RP1: variants seen among roughly 807,000 people sequenced by gnomAD.
RP1 encodes RP1 axonemal microtubule associated.
Under a neutral mutation model 14.8 loss-of-function variants are expected in RP1, and 16 were observed. The observed-to-expected ratio is 1.08, with a 90% CI of 0.73 to 1.65. RP1 has a LOEUF of 1.65. Ranked by LOEUF, RP1 falls within the 40% of genes most tolerant of loss-of-function variation. The probability of loss-of-function intolerance (pLI) is 0.00; values close to 1 mark genes in which losing one functional copy is unlikely to be tolerated. For missense variants in RP1, 2,631 were observed against 2,535.0 expected (o/e 1.04, Z -0.81); for synonymous variants, 876 against 883.6 (o/e 0.99, Z 0.15).
At chr8:54,778,723 C>T (rs1475903645) in intron 23 of RP1, among the ~76,000 whole-genome samples, 3 of 151,938 alleles carry the variant, frequency 2.0e-5, no homozygotes, top group Non-Finnish European at 4.4e-5. Flanking sequence ...AGATTTTAGT[C>T]CAAGTCCTGG....
Position 54,563,114 on chromosome 8 carries a change from G to A in RP1, c.-13+3794G>A, listed in dbSNP as rs934185288. On this transcript the variant is annotated intron_variant, in intron 1 of 22. Transcript: ENST00000636932. Reference sequence around the variant, plus strand: ...TCAGCTCTTCAGAGAGAGAGAGAGAGGAAAACATAATTTGTTTCCCCCCAC... The same window carrying A: ...TCAGCTCTTCAGAGAGAGAGAGAGAAGAAAACATAATTTGTTTCCCCCCAC... Among the ~76,000 whole-genome samples, 6 of 152,306 alleles carry A rather than the reference G, an allele frequency of 3.9e-5. No homozygotes were observed. The South Asian group carries it at 1.2e-3, about 32-fold the overall frequency.
chr8:54,693,891 C>T (rs201294734), intron 12 of RP1, among the ~76,000 whole-genome samples: 73 of 152,086 alleles, frequency 4.8e-4, no homozygotes, highest in East Asian at 1.7e-3. Flanking sequence ...ATCCCTGTCT[C>T]GTGCCAGTTT....
intron 1 of RP1, among the ~76,000 whole-genome samples, chr8:54,603,309 T>G (rs1400137364): frequency 1.3e-5 from 2 of 152,006 alleles, no homozygotes; most frequent in African/African-American, 4.8e-5. Context: ...TTTCCCCATT[T>G]CTTGTTTTTG....
At chr8:54,854,701 C>T (rs1488073554) in intron 26 of RP1, among the ~76,000 whole-genome samples, 1 of 152,016 alleles carries the variant, frequency 6.6e-6, no homozygotes, top group East Asian at 1.9e-4. Flanking sequence ...CTTGCCTTTA[C>T]TGAAAATACA....
intron 22 of RP1, chr8:54,769,622 A>G (rs1057032178): frequency 1.4e-6 from 1 of 696,576 alleles, no homozygotes; most frequent in Admixed American, 2.8e-5. Flanking sequence ...TTTATAGTTA[A>G]CATTTAGTGT....
At chr8:54,853,796 G>T (rs974782294) in intron 26 of RP1, among the ~76,000 whole-genome samples, 1 of 124,090 alleles carries the variant, frequency 8.1e-6, no homozygotes, top group Non-Finnish European at 1.7e-5. Context: ...AAGAAAGAGA[G>T]AGAGAAAGAA....
At chr8:54,680,463 CTT>C (rs1479823723) in intron 12 of RP1, among the ~76,000 whole-genome samples, 3 of 152,262 alleles carry the variant, frequency 2.0e-5, no homozygotes, top group Admixed American at 6.5e-5. Flanking sequence ...ACCTCCAACT[CTT>C]TTTGAATTTG....
intron 24 of RP1, among the ~76,000 whole-genome samples, chr8:54,809,504 AGCAGAC>A (rs1361505748): frequency 6.6e-6 from 1 of 152,250 alleles, no homozygotes; most frequent in Non-Finnish European, 1.5e-5. Flanking sequence ...TGCTAGTAGT[AGCAGAC>A]TGTGTTGTTC....
chr8:54,586,500 G>A (rs1302504797), intron 1 of RP1, among the ~76,000 whole-genome samples: 3 of 152,178 alleles, frequency 2.0e-5, no homozygotes, highest in Admixed American at 1.3e-4. Context: ...TGTGTGCTGG[G>A]AGAACCACTA....
At chr8:54,812,180 G>A (rs1007318436) in intron 24 of RP1, among the ~76,000 whole-genome samples, 4 of 152,090 alleles carry the variant, frequency 2.6e-5, no homozygotes, top group African/African-American at 7.2e-5. Flanking sequence ...TCACTCTGTC[G>A]CCCAGGCTGG....
chr8:54,723,066 A>G (rs756566926), intron 16 of RP1, among the ~76,000 whole-genome samples: 4 of 152,198 alleles, frequency 2.6e-5, no homozygotes, highest in Admixed American at 6.5e-5. Context: ...GCCAGTGTCC[A>G]GGTCCTGGGT....
intron 17 of RP1, among the ~76,000 whole-genome samples, chr8:54,733,427 G>C (rs1808838753): frequency 6.6e-6 from 1 of 152,078 alleles, no homozygotes; most frequent in Non-Finnish European, 1.5e-5. Flanking sequence ...GCACATTCTA[G>C]AGAAAGAAAC....
At chr8:54,597,603 T>C (rs1442396381) in intron 1 of RP1, among the ~76,000 whole-genome samples, 1 of 152,202 alleles carries the variant, frequency 6.6e-6, no homozygotes, top group East Asian at 1.9e-4. Flanking sequence ...GCACACTGAA[T>C]GTTGTCATGA....
intron 1 of RP1, among the ~76,000 whole-genome samples, chr8:54,580,300 CT>C (rs906806636): frequency 0.028 from 2,248 of 80,170 alleles, 7 homozygotes; most frequent in African/African-American, 0.073. Flanking sequence ...TCGTAGACTT[CT>C]TTTTTTTTTT....
Position 54,573,509 on chromosome 8 carries a change from A to G in RP1, c.-13+14189A>G, listed in dbSNP as rs575187048. On this transcript the variant is annotated intron_variant, in intron 1 of 22. Transcript: ENST00000636932. ...GAGAGGGGCATAGACTTTGATATGAAACTAGGGAGACGAGCTCTCAATACG... is the reference window on the plus strand; with the variant it reads ...GAGAGGGGCATAGACTTTGATATGAGACTAGGGAGACGAGCTCTCAATACG... Among the ~76,000 whole-genome samples, 6 of 152,362 alleles carry G rather than the reference A, an allele frequency of 3.9e-5. No homozygotes were observed. The East Asian group carries it at 9.6e-4, about 24-fold the overall frequency.
chr8:54,745,067 A>G (rs1308974841), intron 19 of RP1, among the ~76,000 whole-genome samples: 3 of 152,238 alleles, frequency 2.0e-5, no homozygotes, highest in Non-Finnish European at 4.4e-5. Context: ...AGAAGACTTA[A>G]TAAGAGTTGG....
chr8:54,726,013 C>A (rs558461943), intron 16 of RP1, among the ~76,000 whole-genome samples: 32 of 152,130 alleles, frequency 2.1e-4, no homozygotes, highest in African/African-American at 7.5e-4. Context: ...TTGAGGAAGG[C>A]AAAGAACAAG....
intron 24 of RP1, among the ~76,000 whole-genome samples, chr8:54,795,307 A>G (rs1298486593): frequency 6.6e-6 from 1 of 152,142 alleles, no homozygotes; most frequent in African/African-American, 2.4e-5. Context: ...CATTCATAAT[A>G]GCCAAGACAT....
At chr8:54,640,388 C>T (rs937299007) in intron 3 of RP1, among the ~76,000 whole-genome samples, 3 of 152,106 alleles carry the variant, frequency 2.0e-5, no homozygotes, top group African/African-American at 4.8e-5. Context: ...AGCCTTGAAA[C>T]CAGATAGTGT....
Sources: allele counts gnomAD v4.1 joint callset (sites outside exome capture counted in the v4.1 genomes callset), GRCh38; gene constraint gnomAD v4.1.1; transcripts MANE v1.5; gene names NCBI Gene and HGNC (gene_info 2026-07-23, HGNC 2026-07-21).